CNTN3: variants seen among roughly 807,000 people sequenced by gnomAD.
The protein encoded by CNTN3 is contactin-3.
Under a neutral mutation model 119.1 loss-of-function variants are expected in CNTN3, and 60 were observed. The observed-to-expected ratio is 0.50, with a 90% confidence interval of 0.41 to 0.62. CNTN3 has a LOEUF of 0.62. CNTN3 is among the 20% of genes least tolerant of loss of function. CNTN3 has a pLI of 0.00. For synonymous variants in CNTN3, 450 were observed against 438.7 expected (o/e 1.03, Z -0.32); for missense variants, 1,101 against 1,242.4 (o/e 0.89, Z 1.71).
chr3:74,419,326 G>A (rs1575706952), intron 5 of CNTN3, among the ~76,000 whole-genome samples: 1 of 151,884 alleles, frequency 6.6e-6, no homozygotes, highest in Non-Finnish European at 1.5e-5. Flanking sequence ...TATTCAGTGC[G>A]TTTTCTTCAG....
chr3:74,551,258 A>G (rs1402281445), intron 1 of CNTN3, among the ~76,000 whole-genome samples: 1 of 151,988 alleles, frequency 6.6e-6, no homozygotes, highest in Non-Finnish European at 1.5e-5. Flanking sequence ...TCTTAAATAC[A>G]CTCCACGACA....
At chr3:74,323,611 C>G (rs1032533040) in intron 13 of CNTN3, among the ~76,000 whole-genome samples, 1 of 152,152 alleles carries the variant, frequency 6.6e-6, no homozygotes, top group Non-Finnish European at 1.5e-5. Context: ...GGAATCACAT[C>G]TCAATAAAGC....
At chr3:74,348,626 T>A (rs1273737461) in intron 11 of CNTN3, among the ~76,000 whole-genome samples, 1 of 152,140 alleles carries the variant, frequency 6.6e-6, no homozygotes, top group Admixed American at 6.5e-5. Context: ...GAGGAGAGAC[T>A]GTAATGGACA....
chr3:74,525,070 G>A (rs1703599309), intron 1 of CNTN3, among the ~76,000 whole-genome samples: 1 of 151,658 alleles, frequency 6.6e-6, no homozygotes, highest in African/African-American at 2.4e-5. Flanking sequence ...AATCAGGGAG[G>A]TGAAATAATC....
At chr3:74,377,996 A>T (rs1448052694) in intron 5 of CNTN3, among the ~76,000 whole-genome samples, 1 of 152,220 alleles carries the variant, frequency 6.6e-6, no homozygotes, top group Non-Finnish European at 1.5e-5. Flanking sequence ...TGTCAAACAA[A>T]ATTGCAGTTA....
intron 4 of CNTN3, among the ~76,000 whole-genome samples, chr3:74,431,869 C>T (rs936313843): frequency 3.9e-5 from 6 of 152,052 alleles, no homozygotes; most frequent in African/African-American, 7.2e-5. Context: ...GCATGAAGAG[C>T]GAATGAAATC....
intron 13 of CNTN3, among the ~76,000 whole-genome samples, chr3:74,315,347 T>A (rs526216): frequency 1.3e-5 from 2 of 152,154 alleles, no homozygotes; most frequent in African/African-American, 4.8e-5. Context: ...GTAGCCATTC[T>A]TTGTTTCTTT....
intron 1 of CNTN3, among the ~76,000 whole-genome samples, chr3:74,608,632 T>C (rs991789638): frequency 6.6e-5 from 10 of 152,154 alleles, no homozygotes; most frequent in African/African-American, 2.4e-5. Context: ...ACTCAGAAAC[T>C]CTGCAAAATA....
At chr3:74,295,921 T>C (rs73841821) in intron 18 of CNTN3, among the ~76,000 whole-genome samples, 7,417 of 152,192 alleles carry the variant, frequency 0.049, 395 homozygotes, top group African/African-American at 0.13. Flanking sequence ...GGATCTTGCT[T>C]GATGCTAAGA....
chr3:74,568,551 A>G (rs933537624), intron 1 of CNTN3, among the ~76,000 whole-genome samples: 4 of 152,178 alleles, frequency 2.6e-5, no homozygotes, highest in African/African-American at 9.6e-5. Context: ...GCTTCTGGGT[A>G]CCAGTTTTCA....
chr3:74,313,366 G>C (rs1416194153), intron 13 of CNTN3, among the ~76,000 whole-genome samples: 1 of 151,712 alleles, frequency 6.6e-6, no homozygotes, highest in East Asian at 1.9e-4. Flanking sequence ...CAAGAAAACA[G>C]AAAGTCACAA....
chr3:74,576,064 T>C (rs1035387007), intron 1 of CNTN3, among the ~76,000 whole-genome samples: 2 of 152,068 alleles, frequency 1.3e-5, no homozygotes, highest in African/African-American at 4.8e-5. Flanking sequence ...GTCTGCTCCT[T>C]CCAACATTCC....
At chr3:74,314,540 G>A (rs1300175351) in intron 13 of CNTN3, among the ~76,000 whole-genome samples, 1 of 152,146 alleles carries the variant, frequency 6.6e-6, no homozygotes, top group East Asian at 1.9e-4. Flanking sequence ...TCAGATTAAG[G>A]AAAGTTGTCA....
intron 19 of CNTN3, among the ~76,000 whole-genome samples, chr3:74,285,838 TAA>T (rs1491017405): frequency 1.7e-5 from 2 of 115,234 alleles, no homozygotes; most frequent in African/African-American, 3.3e-5. Context: ...TATATATATA[TAA>T]AATTAAAAAT....
At chr3:74,291,669 G>A (rs544485901) in intron 19 of CNTN3, among the ~76,000 whole-genome samples, 8 of 152,198 alleles carry the variant, frequency 5.3e-5, no homozygotes, top group Middle Eastern at 3.4e-3. Flanking sequence ...GTGAGCCACC[G>A]CGCCCAGCAG....
At chr3:74,601,253 A>C (rs1704905793) in intron 1 of CNTN3, among the ~76,000 whole-genome samples, 1 of 152,044 alleles carries the variant, frequency 6.6e-6, no homozygotes, top group Non-Finnish European at 1.5e-5. Context: ...AGGTGAAGAA[A>C]CTGAGACTTA....
intron 19 of CNTN3, among the ~76,000 whole-genome samples, chr3:74,286,211 A>C (rs1702113989): frequency 6.6e-6 from 1 of 152,164 alleles, no homozygotes; most frequent in African/African-American, 2.4e-5. Context: ...GCATCTACAG[A>C]AGATAAGCAG....
At chr3:74,546,648 C>T (rs2107154282) in intron 1 of CNTN3, among the ~76,000 whole-genome samples, 1 of 152,242 alleles carries the variant, frequency 6.6e-6, no homozygotes, top group South Asian at 2.1e-4. Context: ...CAGTGGTTTG[C>T]CAGGAGCTCT....
chr3:74,328,689 G>A (rs2106693660), intron 13 of CNTN3, among the ~76,000 whole-genome samples: 1 of 152,266 alleles, frequency 6.6e-6, no homozygotes, highest in African/African-American at 2.4e-5. Flanking sequence ...TATTTGCCTG[G>A]TTGAATAAAT....
Sources: gnomAD v4.1 joint callset for allele counts (sites outside exome capture counted in the v4.1 genomes callset) on GRCh38, gnomAD v4.1.1 for gene constraint, MANE v1.5 for transcripts, NCBI Gene and HGNC (gene_info 2026-07-23, HGNC 2026-07-21) for gene names.